Variants in AOX1 observed in about 807,000 individuals in gnomAD.
The protein encoded by AOX1 is aldehyde oxidase.
Under a neutral mutation model 169.5 loss-of-function variants are expected in AOX1, and 153 were observed. The observed-to-expected ratio is 0.90, with a 90% CI of 0.79 to 1.03. The LOEUF is 1.03. AOX1 is among the 50% of genes least tolerant of loss of function. The pLI is 0.00. For synonymous variants in AOX1, 562 were observed against 581.9 expected, an observed-to-expected ratio of 0.97 and a Z score of 0.49; for missense variants, 1,656 against 1,663.9, an observed-to-expected ratio of 1.00 and a Z score of 0.08.
intron 26 of AOX1, among the ~76,000 whole-genome samples, chr2:200,652,791 G>A (rs1005430810): frequency 3.9e-5 from 6 of 152,192 alleles, no homozygotes; most frequent in African/African-American, 1.4e-4. Context: ...ATGGTGAGGT[G>A]CAGTGGCTCA....
intron 4 of AOX1, chr2:200,676,741 G>A (rs2036105813): frequency 3.1e-6 from 1 of 318,930 alleles, no homozygotes; most frequent in Admixed American, 4.6e-5. Flanking sequence ...GAGGAGGAAA[G>A]TGGGGGTAAC....
At chr2:200,676,599 CAAAA>C (rs58206033) in intron 4 of AOX1, among the ~76,000 whole-genome samples, 9 of 98,048 alleles carry the variant, frequency 9.2e-5, no homozygotes, top group East Asian at 8.1e-4. Flanking sequence ...GACTACATCT[CAAAA>C]AAAAAAAAAA....
At chr2:200,601,597 G>GTCAA (rs1048741706) in intron 5 of AOX1, among the ~76,000 whole-genome samples, 7 of 151,716 alleles carry the variant, frequency 4.6e-5, no homozygotes, top group African/African-American at 1.7e-4. Context: ...CTTTTTGCAT[G>GTCAA]TCAATAACAG....
At chr2:200,595,220 T>G in intron 2 of AOX1, 52 bp from the exon 3 acceptor site, 1 of 1,444,662 alleles carries the variant, frequency 6.9e-7, no homozygotes, top group Non-Finnish European at 9.6e-7. Context: ...GCAGGGCTAT[T>G]CTAGAAAGAG....
chr2:200,645,417 T>A (rs879776305), intron 25 of AOX1, among the ~76,000 whole-genome samples: 7 of 152,174 alleles, frequency 4.6e-5, no homozygotes, highest in Admixed American at 3.9e-4. Flanking sequence ...CTGGTATGAA[T>A]CCCTCTTGAT....
intron 34 of AOX1, 126 bp from the exon 35 acceptor site, chr2:200,670,503 G>T (rs967914370): frequency 1.8e-5 from 13 of 739,198 alleles, no homozygotes; most frequent in Non-Finnish European, 3.1e-5. Flanking sequence ...ACAGGCTGTT[G>T]TTCCCTGACC....
downstream of AOX1, among the ~76,000 whole-genome samples, chr2:200,675,580 A>T (rs2036083629): frequency 6.6e-6 from 1 of 152,216 alleles, no homozygotes; most frequent in Non-Finnish European, 1.5e-5. Flanking sequence ...AACTCCAGGA[A>T]TTTGTCCAAC....
At chr2:200,623,500 C>A (rs34380410) in intron 18 of AOX1, among the ~76,000 whole-genome samples, 44,802 of 152,204 alleles carry the variant, frequency 0.29, 7,150 homozygotes, top group East Asian at 0.39. Flanking sequence ...CCTGTCCGTG[C>A]AGGCAGAGGC....
At chr2:200,680,005 A>G (rs1485454599), downstream of AOX1, among the ~76,000 whole-genome samples, 1 of 152,130 alleles carries the variant, frequency 6.6e-6, no homozygotes, top group African/African-American at 2.4e-5. Flanking sequence ...CACAAGCCCA[A>G]GAGTTTGAGG....
Position 200,613,872 on chromosome 2 carries a change from C to G in AOX1, c.1517C>G (p.Ser506Trp). 1 of 1,612,668 alleles carries G rather than the reference C, an allele frequency of 6.2e-7. No individual in the cohort carries two copies. The highest frequency in any genetic ancestry group is 8.5e-7 in the Non-Finnish European group (1 of 1,179,970). ...CTGAATGAAGTCTCCCTTTTGGGCT[C>G]GGCGCCAGGTGGGAAAGTGGAGTTC... Reference protein sequence around the residue: ...LILNEVSLLGSAPGGKVEFKR... With the variant: ...LILNEVSLLGWAPGGKVEFKR... The change falls in exon 15 of 35, where the codon TCG (serine) becomes TGG (tryptophan). Residue 506 changes from serine (S) to tryptophan (W), a missense_variant. Ser to Trp is a radical substitution (Grantham distance 177). Transcript: ENST00000374700.
At chr2:200,595,846 TG>T (rs1249003706) in intron 3 of AOX1, among the ~76,000 whole-genome samples, 30 of 152,362 alleles carry the variant, frequency 2.0e-4, no homozygotes, top group Admixed American at 1.1e-3. Context: ...TCCTCCCATC[TG>T]GTGCATTCTC....
chr2:200,674,716 G>A (rs2036073229), downstream of AOX1, among the ~76,000 whole-genome samples: 1 of 152,172 alleles, frequency 6.6e-6, no homozygotes, highest in Admixed American at 6.6e-5. Flanking sequence ...TGATGCTGAT[G>A]CTGAACATCC....
chr2:200,650,456 C>T (rs2035559176), intron 25 of AOX1, among the ~76,000 whole-genome samples: 1 of 152,162 alleles, frequency 6.6e-6, no homozygotes. Flanking sequence ...GTCACCAATT[C>T]TGGGAATACA....
intron 25 of AOX1, among the ~76,000 whole-genome samples, chr2:200,647,867 T>C (rs1284371409): frequency 6.6e-6 from 1 of 152,194 alleles, no homozygotes; most frequent in African/African-American, 2.4e-5. Flanking sequence ...TTCTACTTGT[T>C]TAATTCTACT....
At chr2:200,672,140 T>C (rs2036038160), downstream of AOX1, among the ~76,000 whole-genome samples, 1 of 152,232 alleles carries the variant, frequency 6.6e-6, no homozygotes, top group African/African-American at 2.4e-5. Context: ...CAGAGGCTGC[T>C]GGGACCACAG....
At chr2:200,599,772 T>A in intron 5 of AOX1, 26 bp downstream of exon 5, 1 of 1,422,066 alleles carries the variant, frequency 7.0e-7, no homozygotes. Flanking sequence ...ATGCTTTTAT[T>A]TTTTAATTTT....
At position 200,617,941 on chromosome 2, in the gene AOX1, A is replaced by G. The variant is rs1255355903; in HGVS notation, c.1704+1878A>G. ...TTGTTGGTTTTTCCTTTTCATCACT[A>G]TCTCAGCTCCTCGAAGCAGAGGGGG... On this transcript the variant is annotated intron_variant, in intron 16 of 34. Coordinates refer to ENST00000374700, the MANE Select transcript of AOX1 (RefSeq NM_001159.4). 5.9e-5 allele frequency among the ~76,000 whole-genome samples: 9 copies of G among 152,250 alleles called. No homozygotes were observed. In the South Asian group the frequency reaches 1.7e-3, roughly 28 times the overall value.
Position 200,623,947 on chromosome 2 carries a change from C to T in AOX1, c.2088C>T (p.Val696=), listed in dbSNP as rs373992960. 18 of 1,614,122 alleles carry T rather than the reference C, an allele frequency of 1.1e-5. No individual in the cohort carries two copies. The East Asian group carries it at 1.6e-4, about 14-fold the overall frequency. The change falls in exon 19 of 35, where the codon GTC becomes GTT. Residue 696 remains valine (V), a synonymous_variant. Transcript: ENST00000374700. ...AKRAAKRVKI[V]YQDLEPLILT... ...GAGCTGCTAAGCGAGTGAAGATTGT[C>T]TATCAAGACTTGGAGCCGCTGATAC...
chr2:200,639,466 C>T (rs993763970), intron 23 of AOX1, among the ~76,000 whole-genome samples: 2 of 152,206 alleles, frequency 1.3e-5, no homozygotes, highest in African/African-American at 4.8e-5. Flanking sequence ...AAATGCATAG[C>T]ACTGTCTCCA....
Sources: allele counts gnomAD v4.1 joint callset (sites outside exome capture counted in the v4.1 genomes callset), GRCh38; gene constraint gnomAD v4.1.1; transcripts MANE v1.5; gene names NCBI Gene and HGNC (gene_info 2026-07-23, HGNC 2026-07-21).